The following KALRN variants were observed in gnomAD, a reference collection of about 807,000 sequenced individuals.
KALRN encodes kalirin.
Under a neutral mutation model 353.7 loss-of-function variants are expected in KALRN, and 70 were observed. That is an observed-to-expected ratio of 0.20 (90% CI 0.16 to 0.24). The LOEUF (loss-of-function observed/expected upper bound fraction) is 0.24, where lower values mean the gene tolerates loss of function less well. Among genes scored for constraint, KALRN ranks in the 10% least tolerant of loss-of-function variants. KALRN has a pLI of 1.00. For missense variants in KALRN, 2,791 were observed against 3,756.7 expected, an observed-to-expected ratio of 0.74 and a Z score of 6.72; for synonymous variants, 1,391 against 1,434.8, an observed-to-expected ratio of 0.97 and a Z score of 0.69.
At chr3:124,645,937 C>A (rs629455) in intron 37 of KALRN, among the ~76,000 whole-genome samples, 1 of 151,864 alleles carries the variant, frequency 6.6e-6, no homozygotes, top group African/African-American at 2.4e-5. Context: ...CCAGGGCTCC[C>A]TTTTATTCAC....
Position 124,660,298 on chromosome 3 carries a change from G to A in KALRN, c.6217-625G>A, listed in dbSNP as rs532256767. On this transcript the variant is annotated intron_variant, in intron 43 of 59. Transcript: ENST00000682506. ...TGGAACTAGGAGGCTAAATAGAAAA[G>A]AGAGACTTAACTTTCCTTTCTCTCC... 6.0e-4 allele frequency among the ~76,000 whole-genome samples: 92 copies of A among 152,270 alleles called. No homozygotes were observed. The Middle Eastern group carries it at 0.014, about 23-fold the overall frequency.
intron 32 of KALRN, among the ~76,000 whole-genome samples, chr3:124,494,038 A>C (rs973987392): frequency 6.6e-6 from 1 of 152,262 alleles, no homozygotes; most frequent in African/African-American, 2.4e-5. Context: ...ATGATGGTCT[A>C]GGATCATAGT....
intron 1 of KALRN, among the ~76,000 whole-genome samples, chr3:124,053,478 G>C (rs2041234268): frequency 6.6e-6 from 1 of 152,178 alleles, no homozygotes. Flanking sequence ...GGTGAAGACT[G>C]ATGGTGCTTT....
chr3:124,582,510 C>A (rs567262508), intron 34 of KALRN, among the ~76,000 whole-genome samples: 2 of 152,134 alleles, frequency 1.3e-5, no homozygotes, highest in African/African-American at 2.4e-5. Context: ...AGGGGTGAAG[C>A]TTTTTAGAGC....
At chr3:124,318,526 C>T (rs1334060443) in intron 6 of KALRN, among the ~76,000 whole-genome samples, 1 of 152,182 alleles carries the variant, frequency 6.6e-6, no homozygotes, top group Admixed American at 6.5e-5. Flanking sequence ...GATTTAACAG[C>T]TTTAGGACCC....
intron 13 of KALRN, among the ~76,000 whole-genome samples, chr3:124,399,795 T>G (rs1681692138): frequency 6.6e-6 from 1 of 152,234 alleles, no homozygotes; most frequent in Non-Finnish European, 1.5e-5. Flanking sequence ...TTATGTCCCC[T>G]TTCTCATACC....
intron 1 of KALRN, among the ~76,000 whole-genome samples, chr3:124,127,850 C>T (rs543920068): frequency 1.3e-5 from 2 of 152,198 alleles, no homozygotes; most frequent in Non-Finnish European, 2.9e-5. Context: ...CTAATTGAGA[C>T]AGCAGTTATT....
In KALRN at chr3:124,290,227, TC is replaced by T. The variant is rs555770832; in HGVS notation, c.970-8563del. Among the ~76,000 whole-genome samples the T allele has an allele frequency of 4.8e-4, 73 of 152,272 alleles. No homozygotes were observed. The East Asian group carries it at 0.012, about 24-fold the overall frequency. On this transcript the variant is annotated intron_variant, in intron 5 of 59. Coordinates refer to ENST00000682506, the MANE Select transcript of KALRN (RefSeq NM_001388419.1). ...AAAGCAGGAAGAGACACTCATCATG[TC>T]TGAAGCCAGATGGGCTGCTGCTGAA...
chr3:124,228,214 GGGGA>G (rs2078786535), intron 2 of KALRN, 150 bp downstream of exon 2: 2 of 728,110 alleles, frequency 2.7e-6, no homozygotes, highest in African/African-American at 3.5e-5. Context: ...TGAGGCAGAT[GGGGA>G]GGGAGAAAGG....
chr3:124,655,803 G>T, intron 39 of KALRN, 136 bp downstream of exon 39: 1 of 660,774 alleles, frequency 1.5e-6, no homozygotes, highest in South Asian at 1.9e-5. Context: ...AAATAAAAAT[G>T]GTAATAAGTA....
At chr3:124,301,959 G>C (rs2077302683) in intron 6 of KALRN, among the ~76,000 whole-genome samples, 1 of 152,302 alleles carries the variant, frequency 6.6e-6, no homozygotes, top group Admixed American at 6.5e-5. Flanking sequence ...ATAGGCCAAT[G>C]GTTCCTTATG....
At chr3:124,423,014 T>C in intron 15 of KALRN, 36 bp downstream of exon 15, 1 of 1,605,268 alleles carries the variant, frequency 6.2e-7, no homozygotes, top group Non-Finnish European at 8.5e-7. Context: ...CCTGGGTTTC[T>C]CAGCCAGCTG....
At chr3:124,257,675 G>A (rs2072221247) in intron 3 of KALRN, among the ~76,000 whole-genome samples, 1 of 152,148 alleles carries the variant, frequency 6.6e-6, no homozygotes, top group African/African-American at 2.4e-5. Flanking sequence ...GGGGCCTCAG[G>A]GGACCCATGG....
intron 14 of KALRN, among the ~76,000 whole-genome samples, chr3:124,414,340 C>T (rs916913055): frequency 1.3e-5 from 2 of 152,122 alleles, no homozygotes; most frequent in African/African-American, 2.4e-5. Context: ...CTTCTGCTCC[C>T]GATCCCTGCT....
At chr3:124,177,749 A>C (rs11921023) in intron 1 of KALRN, among the ~76,000 whole-genome samples, 5,934 of 152,186 alleles carry the variant, frequency 0.039, 402 homozygotes, top group African/African-American at 0.13. Flanking sequence ...GATGATTGTG[A>C]TGTGCTGGGG....
At chr3:124,354,487 A>G (rs1459540067) in intron 10 of KALRN, among the ~76,000 whole-genome samples, 1 of 152,190 alleles carries the variant, frequency 6.6e-6, no homozygotes, top group African/African-American at 2.4e-5. Context: ...ATTTAAATGA[A>G]TTTTAAAGTT....
intron 38 of KALRN, among the ~76,000 whole-genome samples, chr3:124,651,507 C>T (rs1163555197): frequency 6.6e-6 from 1 of 152,132 alleles, no homozygotes; most frequent in Non-Finnish European, 1.5e-5. Flanking sequence ...AGAACAATCC[C>T]ATGTTATGCA....
intron 1 of KALRN, among the ~76,000 whole-genome samples, chr3:124,109,806 CATAT>C (rs1202300993): frequency 3.9e-4 from 4 of 10,354 alleles, no homozygotes; most frequent in Admixed American, 2.1e-3. Context: ...ATATATATGA[CATAT>C]ATATCATACT....
intron 36 of KALRN, 137 bp from the exon 37 acceptor site, chr3:124,637,071 C>T (rs1459547541): frequency 9.9e-6 from 7 of 705,206 alleles, no homozygotes; most frequent in Non-Finnish European, 1.8e-5. Flanking sequence ...TCTTCTCCCT[C>T]TGTCACCTCT....
Sources: gnomAD v4.1 joint callset for allele counts (sites outside exome capture counted in the v4.1 genomes callset) on GRCh38, gnomAD v4.1.1 for gene constraint, MANE v1.5 for transcripts, NCBI Gene and HGNC (gene_info 2026-07-23, HGNC 2026-07-21) for gene names.